HERC2: variants seen among roughly 807,000 people sequenced by gnomAD.
HERC2 encodes HECT and RLD domain containing E3 ubiquitin protein ligase 2.
Under a neutral mutation model 537.7 loss-of-function variants are expected in HERC2, and 102 were observed. The observed-to-expected ratio is 0.19, with a 90% CI of 0.16 to 0.22. The LOEUF (loss-of-function observed/expected upper bound fraction) is 0.22, where lower values mean the gene tolerates loss of function less well. Among genes scored for constraint, HERC2 ranks in the 10% least tolerant of loss-of-function variants. HERC2 has a pLI of 1.00. For missense variants in HERC2, 4,236 were observed against 6,198.2 expected, an observed-to-expected ratio of 0.68 and a Z score of 10.63; for synonymous variants, 2,224 against 2,466.2, an observed-to-expected ratio of 0.90 and a Z score of 2.91.
chr15:28,163,968 A>C (rs1893875802), intron 68 of HERC2, among the ~76,000 whole-genome samples: 2 of 152,086 alleles, frequency 1.3e-5, no homozygotes, highest in Non-Finnish European at 1.5e-5. Context: ...CTTGCCCAGG[A>C]TGGCCGCCCC....
intron 39 of HERC2, 80 bp from the exon 40 acceptor site, chr15:28,214,882 TA>T: frequency 1.6e-6 from 2 of 1,275,956 alleles, no homozygotes; most frequent in Non-Finnish European, 2.2e-6. Flanking sequence ...TTTTATTTTT[TA>T]TTTTTTTGAG....
chr15:28,189,981 G>A (rs1896675213), intron 55 of HERC2, among the ~76,000 whole-genome samples: 1 of 150,530 alleles, frequency 6.6e-6, no homozygotes, highest in Admixed American at 6.6e-5. Flanking sequence ...AGTATACATA[G>A]TACAAAAATA....
intron 25 of HERC2, 152 bp downstream of exon 25, chr15:28,237,962 T>C: frequency 1.4e-6 from 1 of 730,552 alleles, no homozygotes; most frequent in Non-Finnish European, 2.5e-6. Context: ...TAAATTCATT[T>C]ATGACAAAAC....
chr15:28,251,206 G>A (rs1249505533), intron 20 of HERC2, among the ~76,000 whole-genome samples: 2 of 152,194 alleles, frequency 1.3e-5, no homozygotes, highest in East Asian at 1.9e-4. Flanking sequence ...ACTTTTGGAG[G>A]CCAAGGCGGG....
intron 44 of HERC2, among the ~76,000 whole-genome samples, chr15:28,206,640 T>C (rs1318600224): frequency 2.0e-5 from 3 of 151,634 alleles, no homozygotes; most frequent in African/African-American, 7.3e-5. Context: ...AAGACCATCC[T>C]GGGTAACACG....
chr15:28,215,743 C>G lies in HERC2; in HGVS notation c.6088G>C (p.Val2030Leu), dbSNP rs574113050. 6.2e-7 allele frequency: 1 copy of G among 1,612,032 alleles called. No individual in the cohort carries two copies. Among genetic ancestry groups the G allele is most frequent in the African/African-American group, 1.3e-5 (1 of 75,010 alleles). Reference protein sequence around the residue: ...QHRSWCTLGFVRSIALTPQVC... With the variant: ...QHRSWCTLGFLRSIALTPQVC... ...TGCGGCGTGAGAGCGATGCTCCGCACAAACCCCAGCGTGCACCAGCTCCGG... is the reference window on the plus strand; with the variant it reads ...TGCGGCGTGAGAGCGATGCTCCGCAGAAACCCCAGCGTGCACCAGCTCCGG... Residue 2030 changes from valine (V) to leucine (L), a missense_variant, in exon 39 of 93, where the codon GTG becomes CTG. Physicochemically the swap from Val to Leu is conservative, Grantham distance 32 (BLOSUM62 1). Around this residue, in one of 27 missense-constraint regions of HERC2, gnomAD observed 365 missense variants for 468.8 expected, o/e 0.78. Coordinates refer to ENST00000261609, the MANE Select transcript of HERC2 (RefSeq NM_004667.6).
At position 28,295,162 on chromosome 15, in the gene HERC2, A is replaced by C. The variant is rs1455574981; in HGVS notation, c.188-2140T>G. On this transcript the variant is annotated intron_variant, in intron 3 of 92. Coordinates refer to ENST00000261609, the MANE Select transcript of HERC2 (RefSeq NM_004667.6). ...ACCAAGAGAAATGTTACAGATTGCCAGTGGGAATGCAAACTAAAACAGCCT... is the reference window on the plus strand; with the variant it reads ...ACCAAGAGAAATGTTACAGATTGCCCGTGGGAATGCAAACTAAAACAGCCT... Among the ~76,000 whole-genome samples the C allele has an allele frequency of 2.6e-5, 4 of 152,230 alleles. No homozygotes were observed. The East Asian group carries it at 7.7e-4, about 29-fold the overall frequency.
At chr15:28,131,543 G>A (rs1890108261) in intron 81 of HERC2, among the ~76,000 whole-genome samples, 1 of 152,218 alleles carries the variant, frequency 6.6e-6, no homozygotes, top group South Asian at 2.1e-4. Flanking sequence ...AAGAGCAAAA[G>A]ACATTCTGGC....
intron 69 of HERC2, among the ~76,000 whole-genome samples, chr15:28,161,959 T>C (rs1242411644): frequency 6.6e-6 from 1 of 152,192 alleles, no homozygotes; most frequent in Non-Finnish European, 1.5e-5. Context: ...AAAGTAAAGT[T>C]GGATACCTAC....
Position 28,112,869 on chromosome 15 carries a change from A to G in HERC2, c.14232+202T>C, listed in dbSNP as rs556083367. 1.1e-4 allele frequency among the ~76,000 whole-genome samples: 17 copies of G among 152,310 alleles called. 1 individual carries two copies. In the South Asian group the frequency reaches 3.5e-3, roughly 32 times the overall value. On this transcript the variant is annotated intron_variant, in intron 92 of 92. Transcript: ENST00000261609. Reference sequence around the variant, plus strand: ...TCTGGGGATGGCCAGATACATTTTTAAAAAATAGGTAATGGTACCCAAAAC... The same window carrying G: ...TCTGGGGATGGCCAGATACATTTTTGAAAAATAGGTAATGGTACCCAAAAC...
At chr15:28,162,029 CATAAAAAATT>C (rs1893649297) in intron 69 of HERC2, among the ~76,000 whole-genome samples, 1 of 152,096 alleles carries the variant, frequency 6.6e-6, no homozygotes, top group Non-Finnish European at 1.5e-5. Context: ...TACATGAAAT[CATAAAAAATT>C]AGAAGAAGGC....
intron 44 of HERC2, among the ~76,000 whole-genome samples, chr15:28,208,910 A>G (rs1446695561): frequency 1.3e-5 from 2 of 152,216 alleles, no homozygotes; most frequent in East Asian, 1.9e-4. Flanking sequence ...TCCAAACCCT[A>G]GAGAGCAATG....
At chr15:28,318,630 A>C (rs1257390488) in intron 2 of HERC2, among the ~76,000 whole-genome samples, 3 of 152,212 alleles carry the variant, frequency 2.0e-5, no homozygotes, top group African/African-American at 7.2e-5. Flanking sequence ...CTCAAAAAAA[A>C]AAAAAGTATT....
At chr15:28,248,096 C>A (rs1451021053) in intron 21 of HERC2, among the ~76,000 whole-genome samples, 1 of 152,168 alleles carries the variant, frequency 6.6e-6, no homozygotes, top group African/African-American at 2.4e-5. Flanking sequence ...AAGTCTTTGG[C>A]CCCATTAGAC....
At chr15:28,300,204 G>A (rs994420981) in intron 2 of HERC2, among the ~76,000 whole-genome samples, 1 of 151,816 alleles carries the variant, frequency 6.6e-6, no homozygotes, top group Non-Finnish European at 1.5e-5. Context: ...AGCAGGACCA[G>A]AAAAAGCAAC....
rs141745504 is a variant in HERC2, at chr15:28,118,738, G to T, written c.13273-1584C>A. Among the ~76,000 whole-genome samples the T allele has an allele frequency of 9.2e-5, 14 of 152,310 alleles. No homozygotes were observed. The South Asian group carries it at 1.2e-3, about 14-fold the overall frequency. ...GCGCCTGTGCAGCCTTCCTGGCTCCGTGCTGGTGTCCTGTGCACACCCTGA... is the reference window on the plus strand; with the variant it reads ...GCGCCTGTGCAGCCTTCCTGGCTCCTTGCTGGTGTCCTGTGCACACCCTGA... On this transcript the variant is annotated intron_variant, in intron 86 of 92. Transcript: ENST00000261609.
In HERC2 at chr15:28,152,737, C is replaced by G; in HGVS notation, c.10840G>C (p.Val3614Leu). ...TCGGTGTAAGGGTGGCTACTCTCCACCACCACAGGCTGAGAAGAGAGGCGG... is the reference window on the plus strand; with the variant it reads ...TCGGTGTAAGGGTGGCTACTCTCCAGCACCACAGGCTGAGAAGAGAGGCGG... ...SGRLSSQPVV[V>L]ESSHPYTDDT... Residue 3614 changes from valine to leucine, a missense_variant, in exon 70 of 93, where the codon GTG (valine) becomes CTG (leucine). Around this residue, in one of 27 missense-constraint regions of HERC2, gnomAD observed 356 missense variants for 450.9 expected, o/e 0.79. Transcript: ENST00000261609. 6.4e-7 allele frequency: 1 copy of G among 1,552,194 alleles called. No individual in the cohort carries two copies. The highest frequency in any genetic ancestry group is 8.7e-7 in the Non-Finnish European group (1 of 1,147,330).
In HERC2 at chr15:28,113,454, G is replaced by A; in HGVS notation, c.14019+119C>T. On this transcript the variant is annotated intron_variant, in intron 91 of 92. Transcript: ENST00000261609. The surrounding 1 kb of genome is among the most constrained non-coding windows in gnomAD (Gnocchi z 7.0). ...GCAGGCGGGTGGAGGGACGCGCTCA[G>A]AGTGCACTCCCTTCAGTCAACACAC... is the stretch of plus-strand genomic sequence containing the variant. 9.3e-7 allele frequency: 1 copy of A among 1,074,126 alleles called. No individual in the cohort carries two copies. The highest frequency in any genetic ancestry group is 2.5e-5 in the East Asian group (1 of 39,320). 66.5% of individuals were successfully genotyped at this position (1,074,126 alleles called of 1,614,324 possible).
At chr15:28,277,627 T>C (rs2075910166) in intron 5 of HERC2, among the ~76,000 whole-genome samples, 1 of 152,148 alleles carries the variant, frequency 6.6e-6, no homozygotes, top group Non-Finnish European at 1.5e-5. Flanking sequence ...TTCAGTTTGA[T>C]TCGACAAACA....
Sources: allele counts gnomAD v4.1 joint callset (sites outside exome capture counted in the v4.1 genomes callset), GRCh38; gene constraint gnomAD v4.1.1; regional missense constraint gnomAD v4.1.1; non-coding constraint Gnocchi (gnomAD v3.1); transcripts MANE v1.5; gene names NCBI Gene and HGNC (gene_info 2026-07-23, HGNC 2026-07-21).